Variants in PDGFC observed in about 807,000 individuals in gnomAD.
PDGFC encodes the protein platelet derived growth factor C.
In PDGFC, 12 loss-of-function variants were observed where a neutral mutation model predicts 35.5. The observed-to-expected ratio is 0.34, with a 90% CI of 0.22 to 0.55. The LOEUF (loss-of-function observed/expected upper bound fraction) is 0.55. Among genes scored for constraint, PDGFC ranks in the 20% least tolerant of loss-of-function variants. PDGFC has a pLI of 0.91. For synonymous variants in PDGFC, 159 were observed against 148.8 expected, an observed-to-expected ratio of 1.07 and a Z score of -0.50; for missense variants, 322 against 412.4, an observed-to-expected ratio of 0.78 and a Z score of 1.90.
At chr4:156,833,011 T>C (rs1728982327) in intron 2 of PDGFC, among the ~76,000 whole-genome samples, 1 of 152,242 alleles carries the variant, frequency 6.6e-6, no homozygotes, top group Non-Finnish European at 1.5e-5. Flanking sequence ...TTTAATGTAC[T>C]GTTGAAATCA....
intron 1 of PDGFC, among the ~76,000 whole-genome samples, chr4:156,958,243 T>C (rs564318602): frequency 1.3e-5 from 2 of 151,962 alleles, no homozygotes; most frequent in South Asian, 4.2e-4. Flanking sequence ...GTGTGAGTTG[T>C]TTTCAAGATC....
intron 1 of PDGFC, among the ~76,000 whole-genome samples, chr4:156,966,130 T>C (rs1474840789): frequency 1.3e-5 from 2 of 152,198 alleles, no homozygotes; most frequent in Non-Finnish European, 2.9e-5. Context: ...ATTAGATGTC[T>C]CCTTAGGAGA....
intron 1 of PDGFC, among the ~76,000 whole-genome samples, chr4:156,941,502 G>C (rs115196980): frequency 6.6e-6 from 1 of 151,914 alleles, no homozygotes; most frequent in Non-Finnish European, 1.5e-5. Flanking sequence ...GAAACAAGGT[G>C]GTTTATCATT....
chr4:156,954,300 T>C (rs1345316047), intron 1 of PDGFC, among the ~76,000 whole-genome samples: 1 of 151,978 alleles, frequency 6.6e-6, no homozygotes, highest in African/African-American at 2.4e-5. Context: ...ATCAACTTTA[T>C]TTCCAAGGGA....
At chr4:156,958,976 T>A (rs968694273) in intron 1 of PDGFC, among the ~76,000 whole-genome samples, 2 of 152,076 alleles carry the variant, frequency 1.3e-5, no homozygotes, top group Non-Finnish European at 2.9e-5. Flanking sequence ...TTACTTTACA[T>A]AGTTGTAGTT....
At chr4:156,943,430 T>C (rs879938839) in intron 1 of PDGFC, among the ~76,000 whole-genome samples, 3 of 152,084 alleles carry the variant, frequency 2.0e-5, no homozygotes, top group Non-Finnish European at 4.4e-5. Flanking sequence ...AAATGCAGAA[T>C]CTCAGGCCCC....
intron 1 of PDGFC, among the ~76,000 whole-genome samples, chr4:156,867,058 G>A (rs999009608): frequency 3.9e-5 from 6 of 152,162 alleles, no homozygotes; most frequent in East Asian, 1.9e-4. Flanking sequence ...AATGGAGTAC[G>A]TTATAAAAAA....
chr4:156,923,675 A>T (rs1194998281), intron 1 of PDGFC, among the ~76,000 whole-genome samples: 1 of 152,204 alleles, frequency 6.6e-6, no homozygotes, highest in African/African-American at 2.4e-5. Flanking sequence ...AGTTGCTCAT[A>T]AAAATAACCT....
intron 1 of PDGFC, among the ~76,000 whole-genome samples, chr4:156,922,158 G>GTA (rs1202185438): frequency 3.0e-5 from 2 of 67,420 alleles, no homozygotes; most frequent in Non-Finnish European, 5.9e-5. Context: ...GATTCATAGT[G>GTA]TGTGTGTGTG....
intron 1 of PDGFC, among the ~76,000 whole-genome samples, chr4:156,965,521 G>A (rs1380807989): frequency 1.3e-5 from 2 of 152,018 alleles, no homozygotes; most frequent in Non-Finnish European, 2.9e-5. Flanking sequence ...AGACTTAGTG[G>A]TCAGAAAAAA....
At position 156,970,485 on chromosome 4, in the gene PDGFC, T is replaced by C. The variant is rs118030831; in HGVS notation, c.118+301A>G. ...TTTTTAGAGGCAGTTCTTGAACTTC[T>C]AACTTTAGCAATGAGCGAACCTGCA... On this transcript the variant is annotated intron_variant, in intron 1 of 5. Transcript: ENST00000502773. Among the ~76,000 whole-genome samples the C allele has an allele frequency of 7.2e-5, 11 of 152,322 alleles. No homozygotes were observed. The East Asian group carries it at 1.9e-3, about 27-fold the overall frequency.
intron 1 of PDGFC, among the ~76,000 whole-genome samples, chr4:156,970,404 C>T (rs1379016210): frequency 6.6e-6 from 1 of 152,172 alleles, no homozygotes. Context: ...ACCCCCCTCG[C>T]CCTCCCCAAA....
intron 1 of PDGFC, among the ~76,000 whole-genome samples, chr4:156,962,544 ATCT>A (rs1370456318): frequency 2.6e-5 from 4 of 152,204 alleles, no homozygotes; most frequent in East Asian, 3.9e-4. Flanking sequence ...GCAGGTCTGC[ATCT>A]TCTTCTCTGC....
intron 1 of PDGFC, among the ~76,000 whole-genome samples, chr4:156,957,645 T>C (rs1469796209): frequency 3.3e-5 from 5 of 152,036 alleles, no homozygotes; most frequent in African/African-American, 4.8e-5. Flanking sequence ...CTGTCTTGTA[T>C]GTGCCATCAG....
chr4:156,959,659 A>G (rs556419040), intron 1 of PDGFC, among the ~76,000 whole-genome samples: 1 of 152,192 alleles, frequency 6.6e-6, no homozygotes, highest in East Asian at 1.9e-4. Flanking sequence ...CGGCAGATAC[A>G]TTAAATAAGT....
chr4:156,953,299 C>A (rs1415576337), intron 1 of PDGFC, among the ~76,000 whole-genome samples: 1 of 151,880 alleles, frequency 6.6e-6, no homozygotes, highest in Non-Finnish European at 1.5e-5. Flanking sequence ...AGAGCCAAAT[C>A]AAACAGCCAA....
At chr4:156,927,018 A>G (rs1300635906) in intron 1 of PDGFC, among the ~76,000 whole-genome samples, 3 of 152,154 alleles carry the variant, frequency 2.0e-5, no homozygotes, top group African/African-American at 7.2e-5. Context: ...GAGGTTCCCA[A>G]ACCTCAATTT....
chr4:156,891,966 C>A (rs1730523694), intron 1 of PDGFC, among the ~76,000 whole-genome samples: 1 of 152,112 alleles, frequency 6.6e-6, no homozygotes, highest in Non-Finnish European at 1.5e-5. Context: ...GCCATGATAA[C>A]AATGAATACA....
intron 1 of PDGFC, among the ~76,000 whole-genome samples, chr4:156,881,827 C>CAA (rs758716456): frequency 1.7e-3 from 139 of 82,248 alleles, no homozygotes; most frequent in African/African-American, 4.6e-3. Context: ...GCCTCAGTCT[C>CAA]AAAAAAAAAA....
Sources: allele counts gnomAD v4.1 joint callset (sites outside exome capture counted in the v4.1 genomes callset), GRCh38; gene constraint gnomAD v4.1.1; transcripts MANE v1.5; gene names NCBI Gene and HGNC (gene_info 2026-07-23, HGNC 2026-07-21).